FOXP1: variants seen among roughly 807,000 people sequenced by gnomAD.
The protein encoded by FOXP1 is forkhead box P1.
In FOXP1, 15 loss-of-function variants were observed where a neutral mutation model predicts 98.2. The observed-to-expected ratio is 0.15, with a 90% confidence interval of 0.10 to 0.24. The LOEUF (loss-of-function observed/expected upper bound fraction) is 0.24. Among genes scored for constraint, FOXP1 ranks in the 10% least tolerant of loss-of-function variants. The pLI is 1.00. For missense variants in FOXP1, 633 were observed against 848.5 expected (o/e 0.75, Z 3.15); for synonymous variants, 371 against 314.5 (o/e 1.18, Z -1.90).
At chr3:71,197,585 A>C (rs1324234110) in intron 6 of FOXP1, among the ~76,000 whole-genome samples, 1 of 152,182 alleles carries the variant, frequency 6.6e-6, no homozygotes, top group African/African-American at 2.4e-5. Flanking sequence ...GCTAATTTAA[A>C]GCAGTAAGAC....
intron 5 of FOXP1, among the ~76,000 whole-genome samples, chr3:71,284,243 C>G (rs1188039026): frequency 1.3e-5 from 2 of 152,114 alleles, no homozygotes; most frequent in Non-Finnish European, 2.9e-5. Flanking sequence ...TTTCCCCCCT[C>G]TAGAATACAT....
At position 71,580,326 on chromosome 3, in the gene FOXP1, G is replaced by GT. The variant is rs376774362; in HGVS notation, c.-298+1222dup. Among the ~76,000 whole-genome samples the GT allele has an allele frequency of 6.8e-3, 1,018 of 150,812 alleles. 12 individuals are homozygous for GT. Among genetic ancestry groups the GT allele is most frequent in the African/African-American group, 0.022 (923 of 41,138 alleles). On this transcript the variant is annotated intron_variant, in intron 2 of 20. Coordinates refer to ENST00000649528, the MANE Select transcript of FOXP1 (RefSeq NM_001349338.3). Reference sequence around the variant, plus strand: ...GATTTTAGCTGACACCTTTTGAATGGTAACTAGTTGAGTTCCTTTTTTATA... The same window carrying GT: ...GATTTTAGCTGACACCTTTTGAATGGTTAACTAGTTGAGTTCCTTTTTTATA...
chr3:71,314,399 G>A (rs773338479), intron 4 of FOXP1, among the ~76,000 whole-genome samples: 1 of 151,906 alleles, frequency 6.6e-6, no homozygotes. Flanking sequence ...GTGGTGGCGG[G>A]AGCCTGTAAT....
intron 3 of FOXP1, among the ~76,000 whole-genome samples, chr3:71,481,378 C>T (rs1255459141): frequency 6.6e-6 from 1 of 152,200 alleles, no homozygotes; most frequent in Non-Finnish European, 1.5e-5. Context: ...GTCTGGCCAA[C>T]ATCCTGTATG....
chr3:71,326,870 AT>A (rs2075722651), intron 4 of FOXP1, among the ~76,000 whole-genome samples: 1 of 152,220 alleles, frequency 6.6e-6, no homozygotes, highest in African/African-American at 2.4e-5. Flanking sequence ...TTACTGCAGA[AT>A]GAGACAATAA....
intron 2 of FOXP1, among the ~76,000 whole-genome samples, chr3:71,527,544 C>CAAAT (rs1193360803): frequency 2.5e-4 from 38 of 152,326 alleles, no homozygotes; most frequent in African/African-American, 9.1e-4. Context: ...AAACACAGCA[C>CAAAT]AAATGCTCAA....
chr3:71,401,876 C>T (rs752477211), intron 3 of FOXP1, among the ~76,000 whole-genome samples: 2 of 152,194 alleles, frequency 1.3e-5, no homozygotes, highest in Non-Finnish European at 2.9e-5. Flanking sequence ...CCCAGGCAGC[C>T]GTTACTTCCT....
intron 17 of FOXP1, among the ~76,000 whole-genome samples, 193 bp downstream of exon 17, chr3:70,976,748 T>C (rs920209001): frequency 6.6e-6 from 1 of 152,230 alleles, no homozygotes; most frequent in Admixed American, 6.5e-5. Context: ...GCTGGTATAA[T>C]GGGAGTCTTC....
At chr3:70,998,602 T>C (rs1313798236) in intron 13 of FOXP1, among the ~76,000 whole-genome samples, 1 of 152,152 alleles carries the variant, frequency 6.6e-6, no homozygotes, top group Non-Finnish European at 1.5e-5. Context: ...AACGACCACA[T>C]TGTACTAACT....
At chr3:71,273,239 A>G (rs1179838853) in intron 5 of FOXP1, among the ~76,000 whole-genome samples, 2 of 152,220 alleles carry the variant, frequency 1.3e-5, no homozygotes, top group East Asian at 3.8e-4. Context: ...AATACTGGCA[A>G]TGAGGCACTG....
chr3:71,249,149 G>A (rs2067992755), intron 5 of FOXP1, among the ~76,000 whole-genome samples: 1 of 152,228 alleles, frequency 6.6e-6, no homozygotes, highest in African/African-American at 2.4e-5. Flanking sequence ...GAGGCCATAG[G>A]CAAGCTAGAA....
chr3:71,569,196 G>C (rs567734997), intron 2 of FOXP1, among the ~76,000 whole-genome samples: 12 of 152,230 alleles, frequency 7.9e-5, no homozygotes, highest in African/African-American at 2.9e-4. Context: ...GTCACTAATG[G>C]GCAGAATAGG....
At chr3:71,175,965 T>A (rs2061917878) in intron 6 of FOXP1, among the ~76,000 whole-genome samples, 1 of 152,184 alleles carries the variant, frequency 6.6e-6, no homozygotes, top group Admixed American at 6.5e-5. Flanking sequence ...AGCTAATCAC[T>A]CTTGAAGCAA....
At chr3:71,113,712 C>CAAAATAAAAT (rs4055929) in intron 6 of FOXP1, among the ~76,000 whole-genome samples, 10,015 of 102,292 alleles carry the variant, frequency 0.098, 895 homozygotes, top group African/African-American at 0.21. Flanking sequence ...GCTTCCATCT[C>CAAAATAAAAT]AAAATAAAAT....
chr3:71,294,506 T>G (rs751442306), intron 5 of FOXP1, among the ~76,000 whole-genome samples: 1 of 152,172 alleles, frequency 6.6e-6, no homozygotes, highest in African/African-American at 2.4e-5. Flanking sequence ...ATCAACTCTG[T>G]GAGGACAGAG....
At chr3:71,001,723 C>T (rs1424631890) in intron 12 of FOXP1, among the ~76,000 whole-genome samples, 1 of 152,120 alleles carries the variant, frequency 6.6e-6, no homozygotes, top group East Asian at 1.9e-4. Context: ...GTCTTGTGGT[C>T]CTTTTACTAT....
At chr3:71,247,637 A>G (rs2106998873) in intron 5 of FOXP1, among the ~76,000 whole-genome samples, 2 of 152,326 alleles carry the variant, frequency 1.3e-5, no homozygotes, top group Admixed American at 1.3e-4. Context: ...GAAATATGGT[A>G]GTGGATATCT....
chr3:71,482,173 C>G (rs1051052313), intron 3 of FOXP1, among the ~76,000 whole-genome samples: 2 of 152,056 alleles, frequency 1.3e-5, no homozygotes, highest in African/African-American at 4.8e-5. Context: ...TACTTCTAAT[C>G]CTTCAATACC....
At chr3:71,131,100 A>AT (rs2059545653) in intron 6 of FOXP1, among the ~76,000 whole-genome samples, 1 of 151,902 alleles carries the variant, frequency 6.6e-6, no homozygotes, top group Non-Finnish European at 1.5e-5. Flanking sequence ...ACTTTAGAGG[A>AT]TTTTGTCACA....
Sources: gnomAD v4.1 joint callset for allele counts (sites outside exome capture counted in the v4.1 genomes callset) on GRCh38, gnomAD v4.1.1 for gene constraint, MANE v1.5 for transcripts, NCBI Gene and HGNC (gene_info 2026-07-23, HGNC 2026-07-21) for gene names.